RBMS3: variants seen among roughly 807,000 people sequenced by gnomAD.
RBMS3 encodes the protein RNA binding motif single stranded interacting protein 3.
A neutral mutation model predicts 66.8 loss-of-function variants in RBMS3; 27 were observed. That is an observed-to-expected ratio of 0.40 (90% CI 0.30 to 0.56). RBMS3 has a LOEUF of 0.56. Ranked by LOEUF, RBMS3 falls within the 20% of genes least tolerant of loss-of-function variation. RBMS3 has a pLI of 0.40. For synonymous variants in RBMS3, 188 were observed against 183.0 expected (o/e 1.03, Z -0.22); for missense variants, 513 against 549.5 (o/e 0.93, Z 0.66).
intron 2 of RBMS3, among the ~76,000 whole-genome samples, chr3:29,456,993 T>A (rs928178117): frequency 6.6e-6 from 1 of 152,184 alleles, no homozygotes; most frequent in African/African-American, 2.4e-5. Context: ...TGTATTATGA[T>A]GGTTATGGTG....
intron 3 of RBMS3, among the ~76,000 whole-genome samples, chr3:29,504,773 AATAGCCATTCT>A (rs906957061): frequency 2.0e-5 from 3 of 151,758 alleles, no homozygotes; most frequent in Admixed American, 2.0e-4. Flanking sequence ...TCTTTTTCCT[AATAGCCATTCT>A]AACAGGTGTG....
At chr3:29,805,540 G>C (rs2057520466) in intron 6 of RBMS3, among the ~76,000 whole-genome samples, 1 of 152,010 alleles carries the variant, frequency 6.6e-6, no homozygotes, top group South Asian at 2.1e-4. Context: ...AGTTGGACAA[G>C]ACGTGGAGAG....
rs1223844143 is a variant in RBMS3 at position 29,695,722 on chromosome 3, C to A, written c.400-43998C>A. The stretch of plus-strand genomic sequence containing the variant: ...CTTTTACTAACAGATAAAGCATTTT[C>A]TTTTGATTGTTAGGAAATCGTGTGT... On this transcript the variant is annotated intron_variant, in intron 4 of 14. Transcript: ENST00000383767. Among the ~76,000 whole-genome samples the A allele has an allele frequency of 2.0e-5, 3 of 152,248 alleles. No individual in the cohort carries two copies. In the East Asian group the frequency reaches 5.8e-4, roughly 29 times the overall value.
chr3:29,309,012 T>A (rs2034206647), intron 1 of RBMS3, among the ~76,000 whole-genome samples: 1 of 151,732 alleles, frequency 6.6e-6, no homozygotes, highest in South Asian at 2.1e-4. Context: ...CAAGTCAGAA[T>A]TGAATTTATA....
chr3:29,325,836 C>T (rs1575548250), intron 1 of RBMS3, among the ~76,000 whole-genome samples: 1 of 152,034 alleles, frequency 6.6e-6, no homozygotes, highest in African/African-American at 2.4e-5. Flanking sequence ...CTTTCCTTGT[C>T]TTAAGTTGAG....
chr3:29,810,919 T>G (rs2057711725), intron 6 of RBMS3, among the ~76,000 whole-genome samples: 1 of 152,200 alleles, frequency 6.6e-6, no homozygotes, highest in Admixed American at 6.5e-5. Flanking sequence ...TAGAGAAGCC[T>G]ATTACTTACT....
At chr3:29,590,720 A>G (rs944088885) in intron 4 of RBMS3, among the ~76,000 whole-genome samples, 1 of 152,060 alleles carries the variant, frequency 6.6e-6, no homozygotes, top group Non-Finnish European at 1.5e-5. Flanking sequence ...CTCTATAAGC[A>G]TGAAAAAAAG....
chr3:29,984,964 G>A (rs1698273023), intron 12 of RBMS3, among the ~76,000 whole-genome samples: 2 of 152,222 alleles, frequency 1.3e-5, no homozygotes, highest in Non-Finnish European at 2.9e-5. Context: ...AGAGCCAGCA[G>A]GCAGGAACAT....
intron 1 of RBMS3, among the ~76,000 whole-genome samples, chr3:29,369,326 C>G (rs1159712354): frequency 6.6e-6 from 1 of 151,952 alleles, no homozygotes; most frequent in African/African-American, 2.4e-5. Flanking sequence ...TTTTAAAAAT[C>G]TCACAAATGT....
intron 3 of RBMS3, among the ~76,000 whole-genome samples, chr3:29,559,510 CAAAAAAAAAAAAAAAAAAAAAAAAAAA>C (rs553520590): frequency 9.2e-4 from 38 of 41,368 alleles, no homozygotes; most frequent in African/African-American, 1.7e-3. Context: ...GACTCTGTCT[CAAAAAAAAAAAAAAAAAAAAAAAAAAA>C]AAAAAAAAAA....
chr3:29,514,209 T>A (rs1274417662), intron 3 of RBMS3, among the ~76,000 whole-genome samples: 3 of 152,180 alleles, frequency 2.0e-5, no homozygotes, highest in Non-Finnish European at 1.5e-5. Context: ...TTGTTAAGGA[T>A]GTAGCAATGA....
At chr3:29,836,191 G>T (rs1226421161) in intron 6 of RBMS3, among the ~76,000 whole-genome samples, 1 of 151,914 alleles carries the variant, frequency 6.6e-6, no homozygotes, top group Non-Finnish European at 1.5e-5. Context: ...AACATTTCAA[G>T]AATAATTAAT....
chr3:29,513,159 G>A (rs529726876), intron 3 of RBMS3, among the ~76,000 whole-genome samples: 8 of 152,232 alleles, frequency 5.3e-5, no homozygotes, highest in Non-Finnish European at 1.2e-4. Context: ...TAACTTGTTA[G>A]AGAGCAGTCT....
intron 1 of RBMS3, among the ~76,000 whole-genome samples, chr3:29,398,041 G>A (rs746929471): frequency 2.6e-5 from 4 of 152,128 alleles, no homozygotes; most frequent in Non-Finnish European, 5.9e-5. Flanking sequence ...TATAGACATA[G>A]CTACTCTCAG....
chr3:29,473,124 G>T (rs180926757), intron 2 of RBMS3, among the ~76,000 whole-genome samples: 2 of 151,688 alleles, frequency 1.3e-5, no homozygotes, highest in Non-Finnish European at 2.9e-5. Flanking sequence ...AGAGAGTGCC[G>T]ATTGGTGTAT....
At chr3:29,931,105 A>T (rs1487864516) in intron 10 of RBMS3, among the ~76,000 whole-genome samples, 1 of 152,204 alleles carries the variant, frequency 6.6e-6, no homozygotes, top group Non-Finnish European at 1.5e-5. Context: ...TTCAGAATAA[A>T]CAATCAAAAT....
chr3:29,645,099 T>G (rs1306953936), intron 4 of RBMS3, among the ~76,000 whole-genome samples: 1 of 152,188 alleles, frequency 6.6e-6, no homozygotes, highest in East Asian at 1.9e-4. Context: ...GAATACCAGT[T>G]CCTACATTTC....
At chr3:29,368,444 T>C (rs2038021888) in intron 1 of RBMS3, among the ~76,000 whole-genome samples, 1 of 152,098 alleles carries the variant, frequency 6.6e-6, no homozygotes, top group Non-Finnish European at 1.5e-5. Flanking sequence ...TCTAGGTATC[T>C]AGTGGCACTT....
rs566888716 is a variant in RBMS3 at position 29,779,706 on chromosome 3, A to AATATATATATATATATATAT, written c.637+16736_637+16737insTATATATATATATATATATA. On this transcript the variant is annotated intron_variant, in intron 6 of 14. Coordinates refer to ENST00000383767, the MANE Select transcript of RBMS3 (RefSeq NM_001003793.3). ...TCTCAGCAATCCTAGATTAAGATGA[A>AATATATATATATATATATAT]ATATATATATATATATATAAACAAC... 4.6e-3 allele frequency among the ~76,000 whole-genome samples: 487 copies of AATATATATATATATATATAT among 106,978 alleles called. 16 individuals are homozygous for AATATATATATATATATATAT. The highest frequency in any genetic ancestry group is 7.1e-3 in the African/African-American group (231 of 32,414). The allele number at this position is 106,978 out of a possible 152,430, so 70.2% of individuals were successfully genotyped here.
Sources: gnomAD v4.1 joint callset for allele counts (sites outside exome capture counted in the v4.1 genomes callset) on GRCh38, gnomAD v4.1.1 for gene constraint, MANE v1.5 for transcripts, NCBI Gene and HGNC (gene_info 2026-07-23, HGNC 2026-07-21) for gene names.